PRH1: variants seen among roughly 807,000 people sequenced by gnomAD.
PRH1 encodes salivary acidic proline-rich phosphoprotein 1/2.
PRH1 carries 7 observed loss-of-function variants against 7.9 expected under a neutral mutation model. The observed-to-expected ratio is 0.89, with a 90% CI of 0.50 to 1.67. PRH1 has a LOEUF of 1.67. Among genes scored for constraint, PRH1 ranks in the 40% most tolerant of loss-of-function variants. The pLI, the probability that PRH1 is intolerant of heterozygous loss-of-function variation, is 0.00. For missense variants in PRH1, 109 were observed against 223.6 expected (o/e 0.49, Z 3.27); for synonymous variants, 45 against 80.8 (o/e 0.56, Z 2.38).
chr12:10,984,222 T>A (rs1248039918), intron 1 of PRH1, among the ~76,000 whole-genome samples: 1 of 152,184 alleles, frequency 6.6e-6, no homozygotes, highest in Non-Finnish European at 1.5e-5. Context: ...CTTTTTAAAA[T>A]GTATCACAAT....
intron 1 of PRH1, among the ~76,000 whole-genome samples, chr12:11,043,654 A>T (rs1942801740): frequency 3.3e-5 from 5 of 152,170 alleles, no homozygotes; most frequent in Admixed American, 3.3e-4. Flanking sequence ...ATAGTGAACA[A>T]TCTGAAAACA....
intron 2 of PRH1, among the ~76,000 whole-genome samples, chr12:10,924,239 G>A (rs541778739): frequency 3.9e-5 from 6 of 151,972 alleles, no homozygotes; most frequent in East Asian, 1.9e-4. Context: ...CACCCGCCTC[G>A]GCCTCCCAAA....
At chr12:10,933,409 A>G (rs1950241354) in intron 2 of PRH1, among the ~76,000 whole-genome samples, 1 of 152,082 alleles carries the variant, frequency 6.6e-6, no homozygotes, top group Middle Eastern at 3.2e-3. Flanking sequence ...TGCTGAAAAG[A>G]AGAGAAATAC....
intron 2 of PRH1, chr12:10,938,400 T>C (rs781135638): frequency 5.4e-5 from 87 of 1,613,970 alleles, no homozygotes; most frequent in Non-Finnish European, 6.9e-5. Flanking sequence ...GGATAAGCCA[T>C]TCCCATCACC....
chr12:11,138,399 T>G (rs1341427276), intron 1 of PRH1, among the ~76,000 whole-genome samples: 1 of 152,166 alleles, frequency 6.6e-6, no homozygotes, highest in Non-Finnish European at 1.5e-5. Context: ...TTTTCTTCTC[T>G]AATGCAGAAC....
At chr12:10,885,488 T>C (rs1206444425), upstream of PRH1, among the ~76,000 whole-genome samples, 1 of 152,326 alleles carries the variant, frequency 6.6e-6, no homozygotes, top group African/African-American at 2.4e-5. Context: ...TTTTTGTCTG[T>C]ATAATTTGAC....
intron 1 of PRH1, among the ~76,000 whole-genome samples, chr12:11,099,445 G>C (rs1945166235): frequency 6.6e-6 from 1 of 152,058 alleles, no homozygotes; most frequent in South Asian, 2.1e-4. Context: ...ATGAAATCCA[G>C]GCCAGGTGTG....
intron 1 of PRH1, among the ~76,000 whole-genome samples, chr12:11,069,103 A>C (rs1943950125): frequency 6.7e-6 from 1 of 148,862 alleles, no homozygotes; most frequent in Admixed American, 6.8e-5. Context: ...TTTTTGCTAG[A>C]GACTGGGTTT....
At chr12:10,889,097 C>A (rs1013312), upstream of PRH1, among the ~76,000 whole-genome samples, 1 of 152,078 alleles carries the variant, frequency 6.6e-6, no homozygotes, top group Non-Finnish European at 1.5e-5. Context: ...CCCCCTTTCT[C>A]TTATTTTTAC....
intron 1 of PRH1, among the ~76,000 whole-genome samples, chr12:11,021,375 C>T (rs986856967): frequency 2.0e-5 from 3 of 152,068 alleles, no homozygotes; most frequent in African/African-American, 7.2e-5. Context: ...ATAATAAATT[C>T]TTCAAATGAA....
Position 11,062,094 on chromosome 12 carries a change from A to T in PRH1, n.124-14906T>A, listed in dbSNP as rs371012849. 79 of 1,613,592 alleles carry T rather than the reference A, an allele frequency of 4.9e-5. No homozygotes were observed. The Middle Eastern group carries it at 6.6e-4, about 13-fold the overall frequency. On this transcript the variant is annotated intron_variant and non_coding_transcript_variant, in intron 1 of 4. Coordinates refer to the PRH1 transcript ENST00000541977. ...TAAAAGCTGGATTCAACTCAGTTGC[A>T]TACCAATTTAATACTAATACCCAGA...
chr12:11,037,411 C>T (rs558030261), intron 1 of PRH1, among the ~76,000 whole-genome samples: 18 of 152,230 alleles, frequency 1.2e-4, no homozygotes, highest in African/African-American at 4.3e-4. Context: ...TAATGTAGAG[C>T]CAAAAAATTT....
chr12:11,137,253 T>A (rs1367563311), intron 1 of PRH1, among the ~76,000 whole-genome samples: 1 of 152,218 alleles, frequency 6.6e-6, no homozygotes, highest in African/African-American at 2.4e-5. Flanking sequence ...CAAGGCTTCT[T>A]CATTTATAAC....
At chr12:10,929,331 G>C in intron 2 of PRH1, 2 of 1,614,148 alleles carry the variant, frequency 1.2e-6, no homozygotes, top group Non-Finnish European at 1.7e-6. Context: ...TCAGGACTTA[G>C]ATGAAGGTAA....
upstream of PRH1, among the ~76,000 whole-genome samples, chr12:10,886,300 C>A (rs1364395969): frequency 1.3e-5 from 2 of 152,144 alleles, no homozygotes; most frequent in East Asian, 3.9e-4. Flanking sequence ...GAGTGCCAGG[C>A]AGATATTGCC....
chr12:10,967,193 T>C (rs950568430), intron 2 of PRH1, among the ~76,000 whole-genome samples: 1 of 151,902 alleles, frequency 6.6e-6, no homozygotes, highest in Non-Finnish European at 1.5e-5. Context: ...CTCTTATTTC[T>C]ACATGTTGTA....
At chr12:11,088,629 G>T (rs2136250426) in intron 1 of PRH1, among the ~76,000 whole-genome samples, 1 of 113,014 alleles carries the variant, frequency 8.8e-6, no homozygotes, top group East Asian at 2.2e-4. Context: ...GGCCTATTGG[G>T]ATTTTGGAGA....
At chr12:11,121,297 CAGAT>C (rs1945895592) in intron 1 of PRH1, 1 of 152,168 alleles carries the variant, frequency 6.6e-6, no homozygotes, top group Non-Finnish European at 1.5e-5. Flanking sequence ...ATTGATTAGA[CAGAT>C]AATTTGTAAT....
intron 1 of PRH1, among the ~76,000 whole-genome samples, chr12:10,989,771 T>C (rs7489266): frequency 0.3 from 46,320 of 152,100 alleles, 8,913 homozygotes; most frequent in East Asian, 0.74. Flanking sequence ...TTTGTTAAAG[T>C]CCGCTATGGT....
Sources: allele counts gnomAD v4.1 joint callset (sites outside exome capture counted in the v4.1 genomes callset), GRCh38; gene constraint gnomAD v4.1.1; transcripts MANE v1.5; gene names NCBI Gene and HGNC (gene_info 2026-07-23, HGNC 2026-07-21).